The following BBOX1 variants were observed in gnomAD, a reference collection of about 807,000 sequenced individuals.
The protein encoded by BBOX1 is gamma-butyrobetaine dioxygenase.
In BBOX1, 35 loss-of-function variants were observed where a neutral mutation model predicts 41.6. That is an observed-to-expected ratio of 0.84 (90% CI 0.64 to 1.11). The LOEUF (loss-of-function observed/expected upper bound fraction) is 1.11, where lower values mean the gene tolerates loss of function less well. Among genes scored for constraint, BBOX1 ranks in the 50% most tolerant of loss-of-function variants. The probability of loss-of-function intolerance (pLI) is 0.00; values close to 1 mark genes in which losing one functional copy is unlikely to be tolerated. For missense variants in BBOX1, 458 were observed against 460.6 expected (o/e 0.99, Z 0.05); for synonymous variants, 163 against 154.7 (o/e 1.05, Z -0.40).
chr11:27,075,042 G>GTT (rs924275901), intron 4 of BBOX1, among the ~76,000 whole-genome samples: 2 of 152,166 alleles, frequency 1.3e-5, no homozygotes, highest in Non-Finnish European at 2.9e-5. Flanking sequence ...ATAGAACCCT[G>GTT]TTTTTTTATA....
At chr11:27,094,714 CCAAAAATATT>C (rs1484307460) in intron 5 of BBOX1, among the ~76,000 whole-genome samples, 3 of 151,848 alleles carry the variant, frequency 2.0e-5, no homozygotes, top group Non-Finnish European at 2.9e-5. Context: ...AAACAGGAGA[CCAAAAATATT>C]CAATCACTGA....
intron 4 of BBOX1, among the ~76,000 whole-genome samples, chr11:27,078,783 A>G (rs1021309539): frequency 5.3e-5 from 8 of 152,210 alleles, no homozygotes; most frequent in Non-Finnish European, 8.8e-5. Context: ...CAGAAAGAGC[A>G]TACACTTTGG....
At chr11:27,098,212 A>G (rs1203123429) in intron 5 of BBOX1, among the ~76,000 whole-genome samples, 1 of 151,764 alleles carries the variant, frequency 6.6e-6, no homozygotes, top group Non-Finnish European at 1.5e-5. Context: ...CTTCCCTTCC[A>G]ACCACCACAC....
At chr11:27,108,599 A>G (rs1858946165) in intron 5 of BBOX1, among the ~76,000 whole-genome samples, 1 of 152,110 alleles carries the variant, frequency 6.6e-6, no homozygotes, top group South Asian at 2.1e-4. Context: ...TCTCACTGCA[A>G]TATAATGGAT....
At chr11:27,058,054 G>A (rs1857037638) in intron 4 of BBOX1, among the ~76,000 whole-genome samples, 1 of 152,246 alleles carries the variant, frequency 6.6e-6, no homozygotes, top group Admixed American at 6.5e-5. Flanking sequence ...AGGAGTAAGG[G>A]CTGTTTACAA....
At chr11:27,089,485 A>G (rs1858160828) in intron 4 of BBOX1, among the ~76,000 whole-genome samples, 4 of 152,102 alleles carry the variant, frequency 2.6e-5, no homozygotes, top group Admixed American at 2.6e-4. Flanking sequence ...ATAATCATGT[A>G]GACAATACCT....
At position 27,119,689 on chromosome 11, in the gene BBOX1, G is replaced by T; in HGVS notation, c.680G>T (p.Gly227Val). ...TGCATAAAGCAAACAGTCACAGGGGGTGATTCAGAAATTGTAGATGGGTTT... is the reference window on the plus strand; with the variant it reads ...TGCATAAAGCAAACAGTCACAGGGGTTGATTCAGAAATTGTAGATGGGTTT... The part of the protein sequence containing the change: ...LHCIKQTVTG[G>V]DSEIVDGFNV... Residue 227 changes from glycine to valine, a missense_variant, in exon 7 of 9, where the codon GGT becomes GTT. Coordinates refer to ENST00000263182, the MANE Select transcript of BBOX1 (RefSeq NM_003986.3). 1 of 1,567,086 alleles carries T rather than the reference G, an allele frequency of 6.4e-7. No homozygotes were observed. The highest frequency in any genetic ancestry group is 8.6e-7 in the Non-Finnish European group (1 of 1,159,832).
intron 5 of BBOX1, among the ~76,000 whole-genome samples, chr11:27,112,435 T>C (rs548502766): frequency 6.6e-6 from 1 of 151,822 alleles, no homozygotes; most frequent in Non-Finnish European, 1.5e-5. Context: ...AAGAGTGTAA[T>C]TTAAAAATTG....
intron 5 of BBOX1, among the ~76,000 whole-genome samples, chr11:27,101,142 T>G (rs1858635738): frequency 2.0e-5 from 3 of 152,058 alleles, no homozygotes; most frequent in East Asian, 1.9e-4. Context: ...ACTATGGTGG[T>G]TCATTGTTAT....
chr11:27,124,843 G>A (rs1176401352), intron 7 of BBOX1, among the ~76,000 whole-genome samples: 2 of 152,110 alleles, frequency 1.3e-5, no homozygotes, highest in Non-Finnish European at 2.9e-5. Flanking sequence ...TATATTAAAT[G>A]CTGTATTATC....
intron 4 of BBOX1, among the ~76,000 whole-genome samples, chr11:27,091,847 G>C (rs1858258334): frequency 6.6e-6 from 1 of 151,916 alleles, no homozygotes; most frequent in Non-Finnish European, 1.5e-5. Flanking sequence ...CTCTAGGGAG[G>C]CCTAATTTAC....
In BBOX1 at chr11:27,104,838, G is replaced by A. The variant is rs181892715; in HGVS notation, c.534-10614G>A. ...CTGAGTAGCCTAACTGGGAGACACC[G>A]CCCATTAGGGGCAGACTGACACCTC... On this transcript the variant is annotated intron_variant, in intron 5 of 8. Transcript: ENST00000263182. 7.4e-4 allele frequency among the ~76,000 whole-genome samples: 112 copies of A among 152,226 alleles called. 1 individual carries two copies. The highest frequency in any genetic ancestry group is 2.3e-3 in the African/African-American group (94 of 41,546).
intron 5 of BBOX1, among the ~76,000 whole-genome samples, chr11:27,110,223 C>T (rs949968821): frequency 3.9e-5 from 6 of 151,904 alleles, no homozygotes; most frequent in Admixed American, 3.3e-4. Context: ...GAATTGGTTA[C>T]CATCATCTCT....
chr11:27,071,423 T>C (rs773310820), intron 4 of BBOX1, among the ~76,000 whole-genome samples: 3 of 151,368 alleles, frequency 2.0e-5, no homozygotes, highest in African/African-American at 7.3e-5. Context: ...CCCAATCCCT[T>C]TGGGCTTGTA....
At chr11:27,103,609 C>A (rs1378929500) in intron 5 of BBOX1, among the ~76,000 whole-genome samples, 1 of 150,678 alleles carries the variant, frequency 6.6e-6, no homozygotes, top group African/African-American at 2.4e-5. Context: ...TACATCAGTC[C>A]ATTTTTGAGT....
intron 2 of BBOX1, among the ~76,000 whole-genome samples, chr11:27,053,112 C>A (rs1445318): frequency 0.18 from 27,114 of 151,964 alleles, 2,577 homozygotes; most frequent in Middle Eastern, 0.25. Flanking sequence ...ATGCATTCAG[C>A]AATGTTGGCC....
rs573240192 is a variant in BBOX1, at chr11:27,100,433, C to T, written c.533+7067C>T. ...TTGAGAAGAAGACAAAGAAAAATTG[C>T]CTGAGTTCTAAATTTAATTGTAATC... On this transcript the variant is annotated intron_variant, in intron 5 of 8. Transcript: ENST00000263182. 3.3e-5 allele frequency among the ~76,000 whole-genome samples: 5 copies of T among 152,124 alleles called. No homozygotes were observed. In the South Asian group the frequency reaches 1.0e-3, roughly 32 times the overall value.
chr11:27,073,844 A>G (rs550030652), intron 4 of BBOX1, among the ~76,000 whole-genome samples: 3 of 151,926 alleles, frequency 2.0e-5, no homozygotes, highest in Non-Finnish European at 4.4e-5. Flanking sequence ...GTTCTCACTC[A>G]TAGGTGGGAA....
At chr11:27,079,258 A>G (rs1361682423) in intron 4 of BBOX1, among the ~76,000 whole-genome samples, 1 of 152,220 alleles carries the variant, frequency 6.6e-6, no homozygotes, top group Non-Finnish European at 1.5e-5. Flanking sequence ...TCACTTCAAT[A>G]GAATTAAAGA....
Sources: allele counts gnomAD v4.1 joint callset (sites outside exome capture counted in the v4.1 genomes callset), GRCh38; gene constraint gnomAD v4.1.1; transcripts MANE v1.5; gene names NCBI Gene and HGNC (gene_info 2026-07-23, HGNC 2026-07-21).